The following PCDHA6 variants were observed in gnomAD, a reference collection of about 807,000 sequenced individuals.
The protein encoded by PCDHA6 is protocadherin alpha-6.
Under a neutral mutation model 60.3 loss-of-function variants are expected in PCDHA6, and 55 were observed. That is an observed-to-expected ratio of 0.91 (90% CI 0.73 to 1.14). PCDHA6 has a LOEUF of 1.14. Ranked by LOEUF, PCDHA6 falls within the 50% of genes most tolerant of loss-of-function variation. The pLI is 0.00. For missense variants in PCDHA6, 1,327 were observed against 1,256.5 expected (o/e 1.06, Z -0.85); for synonymous variants, 652 against 557.9 (o/e 1.17, Z -2.38).
chr5:140,855,941 C>A, intron 1 of PCDHA6: 1 of 1,328,220 alleles, frequency 7.5e-7, no homozygotes, highest in South Asian at 1.4e-5. Flanking sequence ...TCTGAGATCT[C>A]AGCCATTTCG....
At chr5:140,968,067 T>G in intron 1 of PCDHA6, 1 of 1,614,082 alleles carries the variant, frequency 6.2e-7, no homozygotes, top group Non-Finnish European at 8.5e-7. Context: ...CGGGTGGCTG[T>G]CTACAACATC....
Position 140,851,002 on chromosome 5 carries a change from A to T in PCDHA6, c.2394+20517A>T. The stretch of plus-strand genomic sequence containing the variant: ...TTATTCATTTTTCTAGAAATCCAGC[A>T]GATTTTTTTTCTGATAAAGTAAACC... On this transcript the variant is annotated intron_variant, in intron 1 of 3. Coordinates refer to ENST00000529310, the MANE Select transcript of PCDHA6 (RefSeq NM_018909.4). 3 of 1,438,338 alleles carry T rather than the reference A, an allele frequency of 2.1e-6. No homozygotes were observed. In the East Asian group the frequency reaches 7.2e-5, roughly 35 times the overall value. 89.1% of individuals were successfully genotyped at this position (1,438,338 alleles called of 1,614,324 possible).
intron 1 of PCDHA6, among the ~76,000 whole-genome samples, chr5:140,899,745 A>G: frequency 6.6e-6 from 1 of 152,214 alleles, no homozygotes; most frequent in Non-Finnish European, 1.5e-5. Flanking sequence ...GAATAGTTTC[A>G]GAAGGAATGG....
intron 1 of PCDHA6, among the ~76,000 whole-genome samples, chr5:140,921,878 A>C (rs2153562324): frequency 6.6e-6 from 1 of 152,204 alleles, no homozygotes; most frequent in South Asian, 2.1e-4. Context: ...TATATATATA[A>C]GATTTTAGAA....
intron 1 of PCDHA6, chr5:140,881,365 T>G (rs1216010175): frequency 2.0e-6 from 2 of 985,144 alleles, no homozygotes; most frequent in Non-Finnish European, 2.4e-6. Context: ...GGCTTTCGTA[T>G]GAATTGCAGC....
At chr5:140,968,211 A>G (rs1039283745) in intron 1 of PCDHA6, 1 of 1,614,002 alleles carries the variant, frequency 6.2e-7, no homozygotes. Context: ...CAGGAGAACA[A>G]TTTGCCAGGT....
chr5:140,973,574 C>T (rs1485415780), intron 1 of PCDHA6, among the ~76,000 whole-genome samples: 1 of 152,218 alleles, frequency 6.6e-6, no homozygotes, highest in African/African-American at 2.4e-5. Flanking sequence ...AATTTTTCTA[C>T]AGACTGCTGA....
intron 1 of PCDHA6, chr5:140,883,720 A>G (rs782338608): frequency 4.3e-6 from 7 of 1,613,566 alleles, no homozygotes; most frequent in Middle Eastern, 1.7e-4. Flanking sequence ...ACGCGGACGC[A>G]CAGGAGAACG....
rs1455444799 is a variant in PCDHA6, at chr5:140,876,953, T to C, written c.2394+46468T>C. On this transcript the variant is annotated intron_variant, in intron 1 of 3. Coordinates refer to ENST00000529310, the MANE Select transcript of PCDHA6 (RefSeq NM_018909.4). ...AAGAACGCGCTGGTGTCCTACTCGCTGGTGGAGCGGCGGGTGGGCGAGCAC... is the reference window on the plus strand; with the variant it reads ...AAGAACGCGCTGGTGTCCTACTCGCCGGTGGAGCGGCGGGTGGGCGAGCAC... The C allele has an allele frequency of 1.1e-5, 17 of 1,613,306 alleles. No homozygotes were observed. Among genetic ancestry groups the C allele is most frequent in the Non-Finnish European group, 1.4e-5 (17 of 1,179,866 alleles).
chr5:140,875,246 C>A (rs2055373842), intron 1 of PCDHA6: 3 of 955,372 alleles, frequency 3.1e-6, no homozygotes, highest in Non-Finnish European at 4.4e-6. Flanking sequence ...CTTACATAAT[C>A]AGTCACATGA....
intron 1 of PCDHA6, chr5:140,875,761 G>T (rs373515339): frequency 8.7e-6 from 14 of 1,614,236 alleles, no homozygotes; most frequent in Non-Finnish European, 1.1e-5. Context: ...GAAGCTGTGC[G>T]GGCGGAGCGC....
chr5:140,983,005 A>AAAGG (rs1223217874), intron 3 of PCDHA6, among the ~76,000 whole-genome samples: 11 of 152,228 alleles, frequency 7.2e-5, no homozygotes, highest in African/African-American at 2.4e-4. Flanking sequence ...AAAGAAAGAA[A>AAAGG]AAGGAAGGAA....
intron 1 of PCDHA6, among the ~76,000 whole-genome samples, chr5:140,975,842 T>C (rs1291239014): frequency 1.3e-5 from 2 of 152,210 alleles, no homozygotes; most frequent in Non-Finnish European, 2.9e-5. Context: ...TATTCTTCAG[T>C]AATACTACAT....
Position 140,929,287 on chromosome 5 carries a change from C to T in PCDHA6, c.2395-49662C>T, listed in dbSNP as rs782325052. On this transcript the variant is annotated intron_variant, in intron 1 of 3. Transcript: ENST00000529310. The stretch of plus-strand genomic sequence containing the variant: ...TTTGCCAATATCCTGTATTCAGATT[C>T]GGAATAGGAAAGGGGATCACGCTAA... 13 of 1,598,668 alleles carry T rather than the reference C, an allele frequency of 8.1e-6. No homozygotes were observed. In the East Asian group the frequency reaches 2.5e-4, roughly 30 times the overall value.
intron 1 of PCDHA6, chr5:140,858,206 A>T (rs781984728): frequency 1.3e-6 from 2 of 1,593,038 alleles, no homozygotes; most frequent in Non-Finnish European, 1.7e-6. Flanking sequence ...CACTGCACTG[A>T]GGTGCTCGGC....
intron 1 of PCDHA6, among the ~76,000 whole-genome samples, chr5:140,949,671 G>A (rs1316716969): frequency 6.6e-6 from 1 of 151,584 alleles, no homozygotes. Context: ...TTTAAAGTAT[G>A]CCCTTGTTGA....
chr5:140,851,135 A>G (rs782166459), intron 1 of PCDHA6: 3 of 1,314,088 alleles, frequency 2.3e-6, no homozygotes, highest in Admixed American at 2.9e-5. Flanking sequence ...ATTTGTGATT[A>G]AAGTGACATT....
rs2150167358 is a variant in PCDHA6 at position 140,829,409 on chromosome 5, A to C, written c.1318A>C (p.Ser440Arg). The change falls in exon 1 of 4, where the codon AGC becomes CGC. Residue 440 changes from serine to arginine, a missense_variant. By Grantham distance (110) the Ser-to-Arg change is moderately radical. Coordinates refer to ENST00000529310, the MANE Select transcript of PCDHA6 (RefSeq NM_018909.4). ...GGSPSLWATA[S>R]LSVEVADMND... ...CTCGCCTTCGCTGTGGGCCACCGCCAGCTTGTCTGTGGAGGTGGCCGACAT... is the reference window on the plus strand; with the variant it reads ...CTCGCCTTCGCTGTGGGCCACCGCCCGCTTGTCTGTGGAGGTGGCCGACAT... The C allele has an allele frequency of 3.0e-5, 48 of 1,614,026 alleles. No homozygotes were observed. Among genetic ancestry groups the C allele is most frequent in the Non-Finnish European group, 4.0e-5 (47 of 1,180,058 alleles).
chr5:140,984,304 G>A (rs1587007644), intron 3 of PCDHA6, among the ~76,000 whole-genome samples: 1 of 152,168 alleles, frequency 6.6e-6, no homozygotes, highest in Admixed American at 6.5e-5. Context: ...GATGCTGGTT[G>A]GTGTGTATTC....
Sources: allele counts gnomAD v4.1 joint callset (sites outside exome capture counted in the v4.1 genomes callset), GRCh38; gene constraint gnomAD v4.1.1; transcripts MANE v1.5; gene names NCBI Gene and HGNC (gene_info 2026-07-23, HGNC 2026-07-21).